The following HS6ST2 variants were observed in gnomAD, a reference collection of about 807,000 sequenced individuals.
The protein encoded by HS6ST2 is heparan-sulfate 6-O-sulfotransferase 2.
HS6ST2 carries 17 observed loss-of-function variants against 33.0 expected under a neutral mutation model. The observed-to-expected ratio is 0.52, with a 90% CI of 0.35 to 0.77. HS6ST2 has a LOEUF of 0.77. HS6ST2 is among the 30% of genes least tolerant of loss of function. The probability of loss-of-function intolerance (pLI) is 0.01; values close to 1 mark genes in which losing one functional copy is unlikely to be tolerated. For missense variants in HS6ST2, 519 were observed against 551.7 expected, an observed-to-expected ratio of 0.94 and a Z score of 0.59; for synonymous variants, 248 against 237.1, an observed-to-expected ratio of 1.05 and a Z score of -0.42.
chrX:132,946,913 C>T (rs1484086008), intron 2 of HS6ST2, among the ~76,000 whole-genome samples: 1 of 111,602 alleles, frequency 9.0e-6, no homozygotes, highest in Non-Finnish European at 1.9e-5. Context: ...GGTCAAACTA[C>T]CTAAGTCTTG....
chrX:132,834,800 G>C (rs1249502390), intron 2 of HS6ST2, among the ~76,000 whole-genome samples: 1 of 111,599 alleles, frequency 9.0e-6, no homozygotes, highest in Non-Finnish European at 1.9e-5. Flanking sequence ...AGGCAAAAAG[G>C]GTTTGGCAAA....
At chrX:132,789,712 C>A (rs2148341018) in intron 2 of HS6ST2, among the ~76,000 whole-genome samples, 1 of 112,235 alleles carries the variant, frequency 8.9e-6, no homozygotes, top group Non-Finnish European at 1.9e-5. Flanking sequence ...TGGAGGAGGT[C>A]AAAATTTCAA....
intron 2 of HS6ST2, among the ~76,000 whole-genome samples, chrX:132,749,331 G>T (rs2064677649): frequency 8.9e-6 from 1 of 112,790 alleles, no homozygotes; most frequent in Non-Finnish European, 1.9e-5. Context: ...TTCAGAGCTT[G>T]AATTGAAGGG....
rs181270435 is a variant in HS6ST2, at chrX:132,741,402, C to A, written c.948-32908G>T. 1.7e-4 allele frequency among the ~76,000 whole-genome samples: 14 copies of A among 82,063 alleles called. No homozygotes were observed. In the East Asian group the frequency reaches 4.3e-3, roughly 25 times the overall value. The allele number at this position is 82,063 out of a possible 115,157, so 71.3% of individuals were successfully genotyped here. A position where few individuals can be genotyped will look rare whatever the true frequency, so the allele number is the denominator to read the frequency against. On this transcript the variant is annotated intron_variant, in intron 2 of 4. Coordinates refer to ENST00000370833, the MANE Select transcript of HS6ST2 (RefSeq NM_001394073.1). ...GAAGCCTCTGCCTCCCAGGTCCAAG[C>A]AATTCTCCTGCCTCAGCATCCCAAG...
intron 2 of HS6ST2, among the ~76,000 whole-genome samples, chrX:132,771,447 GAACT>G (rs891328083): frequency 1.8e-5 from 2 of 111,932 alleles, no homozygotes; most frequent in Admixed American, 1.9e-4. Flanking sequence ...AGAAAAGCAA[GAACT>G]ATCTGGAGAA....
At chrX:132,646,485 G>A (rs2063643563) in intron 4 of HS6ST2, among the ~76,000 whole-genome samples, 2 of 101,022 alleles carry the variant, frequency 2.0e-5, no homozygotes, top group South Asian at 5.0e-4. Flanking sequence ...AGTGAGCCAT[G>A]ATAGCAGCTC....
chrX:132,958,248 G>T lies in HS6ST2; in HGVS notation c.355C>A (p.Leu119Met). 8.4e-7 allele frequency: 1 copy of T among 1,186,892 alleles called. No homozygotes were observed. ...TTCAGCGAGTGGCCCAGGGCGGCCA[G>T]GCCCCGAGTGAGCAGGGCCCGGCAG... is the stretch of plus-strand genomic sequence containing the variant. ...SLCRALLTRG[L>M]AALGHSLKHV... is the part of the protein sequence containing the mutation. Residue 119 changes from leucine to methionine, a missense_variant, in exon 1 of 5, where the codon CTG (leucine) becomes ATG (methionine). By Grantham distance (15) the Leu-to-Met change is conservative. Coordinates refer to ENST00000370833, the MANE Select transcript of HS6ST2 (RefSeq NM_001394073.1).
At chrX:132,878,765 C>A (rs1263384215) in intron 2 of HS6ST2, among the ~76,000 whole-genome samples, 3 of 111,038 alleles carry the variant, frequency 2.7e-5, no homozygotes, top group Non-Finnish European at 1.9e-5. Context: ...AAATGTGGAA[C>A]ATTTGTCATA....
chrX:132,644,100 C>A (rs2063622823), intron 4 of HS6ST2, among the ~76,000 whole-genome samples: 1 of 108,717 alleles, frequency 9.2e-6, no homozygotes, highest in Non-Finnish European at 1.9e-5. Context: ...GAAAAGTCAT[C>A]TGAAGAAAAT....
intron 4 of HS6ST2, among the ~76,000 whole-genome samples, chrX:132,633,554 G>A (rs2063533490): frequency 9.0e-6 from 1 of 110,927 alleles, no homozygotes; most frequent in East Asian, 2.8e-4. Context: ...GAGCTCTGGA[G>A]GAAGGACTGA....
In HS6ST2 at chrX:132,863,464, C is replaced by T. The variant is rs182671923; in HGVS notation, c.947+93344G>A. On this transcript the variant is annotated intron_variant, in intron 2 of 4. Transcript: ENST00000370833. ...CCTCCCGAGTAGCTGGGACTGCAGGCGCACAGTGACACACCCAGCTAACTT... is the reference window on the plus strand; with the variant it reads ...CCTCCCGAGTAGCTGGGACTGCAGGTGCACAGTGACACACCCAGCTAACTT... 1.0e-4 allele frequency among the ~76,000 whole-genome samples: 11 copies of T among 107,305 alleles called. No homozygotes were observed. In the East Asian group the frequency reaches 2.3e-3, roughly 23 times the overall value. 93.2% of individuals were successfully genotyped at this position (107,305 alleles called of 115,157 possible).
At chrX:132,868,682 T>C (rs1222810437) in intron 2 of HS6ST2, among the ~76,000 whole-genome samples, 3 of 111,882 alleles carry the variant, frequency 2.7e-5, no homozygotes, top group African/African-American at 9.7e-5. Flanking sequence ...GAATGACTAC[T>C]GAGTAAATAA....
At chrX:132,644,561 C>T (rs993968864) in intron 4 of HS6ST2, among the ~76,000 whole-genome samples, 3 of 111,136 alleles carry the variant, frequency 2.7e-5, no homozygotes, top group African/African-American at 9.8e-5. Flanking sequence ...CTGCATACTC[C>T]ATTTCTCTTA....
At chrX:132,716,174 A>G (rs896990271) in intron 2 of HS6ST2, among the ~76,000 whole-genome samples, 4 of 111,743 alleles carry the variant, frequency 3.6e-5, no homozygotes, top group African/African-American at 1.3e-4. Flanking sequence ...AGCAGATTTT[A>G]GTAAAAATTT....
In HS6ST2 at chrX:132,646,431, C is replaced by A. The variant is rs755952655; in HGVS notation, c.1068-17338G>T. Reference sequence around the variant, plus strand: ...TGCCTGTAGTCCCTGATACTTGGGACGCTGAAGTGGGAGGACCACTTGAGC... The same window carrying A: ...TGCCTGTAGTCCCTGATACTTGGGAAGCTGAAGTGGGAGGACCACTTGAGC... On this transcript the variant is annotated intron_variant, in intron 4 of 4. Coordinates refer to ENST00000370833, the MANE Select transcript of HS6ST2 (RefSeq NM_001394073.1). 4.6e-5 allele frequency among the ~76,000 whole-genome samples: 5 copies of A among 108,194 alleles called. No homozygotes were observed. In the Admixed American group the frequency reaches 5.0e-4, roughly 11 times the overall value. The allele number at this position is 108,194 out of a possible 115,157, so 94.0% of individuals were successfully genotyped here.
At chrX:132,874,160 T>A (rs981926652) in intron 2 of HS6ST2, among the ~76,000 whole-genome samples, 1 of 112,117 alleles carries the variant, frequency 8.9e-6, no homozygotes, top group Non-Finnish European at 1.9e-5. Flanking sequence ...GATCTGTGTG[T>A]ACTTTAGACA....
intron 2 of HS6ST2, among the ~76,000 whole-genome samples, chrX:132,854,188 C>A (rs983706068): frequency 1.8e-5 from 2 of 112,476 alleles, no homozygotes; most frequent in East Asian, 5.6e-4. Context: ...CTGTTCCTTG[C>A]TGAGATTTTT....
intron 2 of HS6ST2, among the ~76,000 whole-genome samples, chrX:132,747,941 G>A (rs924250905): frequency 9.0e-6 from 1 of 111,579 alleles, no homozygotes. Context: ...CATGCCATGA[G>A]TGACAAAAAT....
chrX:132,858,509 AAAAGTAG>A (rs1345685297), intron 2 of HS6ST2, among the ~76,000 whole-genome samples: 2 of 112,145 alleles, frequency 1.8e-5, no homozygotes, highest in African/African-American at 6.5e-5. Flanking sequence ...ATCCTCATTG[AAAAGTAG>A]AAAGAAGATG....
Sources: allele counts gnomAD v4.1 joint callset (sites outside exome capture counted in the v4.1 genomes callset), GRCh38; gene constraint gnomAD v4.1.1; transcripts MANE v1.5; gene names NCBI Gene and HGNC (gene_info 2026-07-23, HGNC 2026-07-21).